Variants in SRRM3 observed in about 807,000 individuals in gnomAD.
The protein encoded by SRRM3 is serine/arginine repetitive matrix 3.
In SRRM3, 27 loss-of-function variants were observed where a neutral mutation model predicts 66.2. The observed-to-expected ratio is 0.41, with a 90% CI of 0.30 to 0.56. The LOEUF is 0.56. Among genes scored for constraint, SRRM3 ranks in the 20% least tolerant of loss-of-function variants. The probability of loss-of-function intolerance (pLI) is 0.32; values close to 1 mark genes in which losing one functional copy is unlikely to be tolerated. For missense variants in SRRM3, 918 were observed against 991.9 expected (o/e 0.93, Z 1.00); for synonymous variants, 391 against 414.9 (o/e 0.94, Z 0.70).
chr7:76,281,787 G>A lies in SRRM3; in HGVS notation c.1355G>A (p.Gly452Asp), dbSNP rs1802518735. 12 of 1,385,512 alleles carry A rather than the reference G, an allele frequency of 8.7e-6. No individual in the cohort carries two copies. Among genetic ancestry groups the A allele is most frequent in the Non-Finnish European group, 1.1e-5 (12 of 1,070,104 alleles). 85.8% of individuals were successfully genotyped at this position (1,385,512 alleles called of 1,614,324 possible). ...GAGCCCGGCTCTGAGCGAGGCCACGGCGGACACGGGAAACGGTGAGCGTGC... is the reference window on the plus strand; with the variant it reads ...GAGCCCGGCTCTGAGCGAGGCCACGACGGACACGGGAAACGGTGAGCGTGC... ...GPEPGSERGH[G>D]GHGKRAKERP... The change falls in exon 12 of 15, where the codon GGC becomes GAC. Residue 452 changes from glycine (G) to aspartate (D), a missense_variant. Physicochemically the swap from Gly to Asp is moderately conservative, Grantham distance 94. Transcript: ENST00000611745.
At chr7:76,214,568 T>C (rs1408533495) in intron 1 of SRRM3, among the ~76,000 whole-genome samples, 1 of 151,358 alleles carries the variant, frequency 6.6e-6, no homozygotes, top group Non-Finnish European at 1.5e-5. Context: ...CAGCTGGGAG[T>C]GTGCAGGTGG....
At chr7:76,225,166 T>G (rs915553198) in intron 1 of SRRM3, among the ~76,000 whole-genome samples, 1 of 152,214 alleles carries the variant, frequency 6.6e-6, no homozygotes, top group East Asian at 1.9e-4. Flanking sequence ...CTTTTCCTGA[T>G]CACCCAGGCA....
At position 76,265,405 on chromosome 7, in the gene SRRM3, G is replaced by C. The variant is rs1554609389; in HGVS notation, c.767G>C (p.Ser256Thr). Residue 256 changes from serine to threonine, a missense_variant, in exon 10 of 15, where the codon AGC (serine) becomes ACC (threonine). Ser to Thr is a moderately conservative substitution (Grantham distance 58). Transcript: ENST00000611745. The stretch of plus-strand genomic sequence containing the variant: ...CCAGGCCGGAGGTCTCATCGCCATA[G>C]CAGTGGCAGCTCCCACAGCCCCTCC... The part of the protein sequence containing the change: ...ESPGRRSHRH[S>T]SGSSHSPSLS... The C allele has an allele frequency of 1.2e-6, 2 of 1,605,592 alleles. No homozygotes were observed. The highest frequency in any genetic ancestry group is 3.4e-5 in the Admixed American group (2 of 58,886).
chr7:76,250,244 T>G (rs1240228510), intron 3 of SRRM3, among the ~76,000 whole-genome samples: 5 of 151,696 alleles, frequency 3.3e-5, no homozygotes, highest in Admixed American at 1.3e-4. Flanking sequence ...TGTTTTGTTT[T>G]GTTTGAGACA....
chr7:76,224,790 G>T (rs1481150180), intron 1 of SRRM3, among the ~76,000 whole-genome samples: 1 of 152,064 alleles, frequency 6.6e-6, no homozygotes, highest in African/African-American at 2.4e-5. Flanking sequence ...ATCAGCTAGG[G>T]AGACTCACAT....
intron 3 of SRRM3, among the ~76,000 whole-genome samples, chr7:76,254,467 T>G (rs1030995381): frequency 2.6e-5 from 4 of 152,128 alleles, no homozygotes; most frequent in African/African-American, 9.7e-5. Flanking sequence ...TACAAGCATG[T>G]CCTACCATAC....
chr7:76,235,440 G>A (rs1189427061), intron 2 of SRRM3, 141 bp downstream of exon 2: 3 of 781,216 alleles, frequency 3.8e-6, no homozygotes, highest in East Asian at 2.9e-5. Context: ...GCGGAGTCGG[G>A]CGACTGTGGG....
intron 2 of SRRM3, among the ~76,000 whole-genome samples, chr7:76,247,337 C>T (rs188134716): frequency 6.7e-4 from 102 of 152,132 alleles, no homozygotes; most frequent in African/African-American, 2.3e-3. Flanking sequence ...CTACCCCTTG[C>T]CCCCCGATAA....
chr7:76,215,233 A>AC (rs1325960671), intron 1 of SRRM3, among the ~76,000 whole-genome samples: 1 of 151,930 alleles, frequency 6.6e-6, no homozygotes, highest in African/African-American at 2.4e-5. Flanking sequence ...AACAACAACA[A>AC]AAAAAACTAC....
chr7:76,211,136 G>A (rs951947244), intron 1 of SRRM3, among the ~76,000 whole-genome samples: 1 of 152,190 alleles, frequency 6.6e-6, no homozygotes, highest in African/African-American at 2.4e-5. Context: ...GATGGACTAG[G>A]GGTTATGTAG....
In SRRM3 at chr7:76,282,645, C is replaced by T. The variant is rs1802554531; in HGVS notation, c.1371-3C>T. ...CCTATCCCGCGCCGTCTCCCTCCTC[C>T]AGGGCCAAGGAGCGGCCCCCGCGCG... On this transcript the variant is annotated splice_polypyrimidine_tract_variant and splice_region_variant and intron_variant, in intron 12 of 14. Transcript: ENST00000611745. 1 of 1,416,390 alleles carries T rather than the reference C, an allele frequency of 7.1e-7. No individual in the cohort carries two copies. The highest frequency in any genetic ancestry group is 9.2e-7 in the Non-Finnish European group (1 of 1,090,668). 87.7% of individuals were successfully genotyped at this position (1,416,390 alleles called of 1,614,324 possible). A position where few individuals can be genotyped will look rare whatever the true frequency, so the allele number is the denominator to read the frequency against.
chr7:76,216,430 C>A (rs1396218143), intron 1 of SRRM3, among the ~76,000 whole-genome samples: 12 of 152,228 alleles, frequency 7.9e-5, no homozygotes, highest in Admixed American at 7.9e-4. Flanking sequence ...AGCCACTGAG[C>A]CTGGACAGGG....
intron 11 of SRRM3, chr7:76,269,748 T>A (rs1802162213): frequency 8.7e-6 from 1 of 114,354 alleles, no homozygotes; most frequent in Non-Finnish European, 1.9e-5. Flanking sequence ...TTTATTTCCT[T>A]TTCCTTTCTT....
intron 2 of SRRM3, among the ~76,000 whole-genome samples, chr7:76,240,342 C>T (rs952759268): frequency 2.0e-5 from 3 of 151,224 alleles, no homozygotes; most frequent in Non-Finnish European, 2.9e-5. Flanking sequence ...AAAAATAGGC[C>T]GGGTGCATTG....
At chr7:76,274,211 A>G (rs1347809049) in intron 11 of SRRM3, among the ~76,000 whole-genome samples, 1 of 152,210 alleles carries the variant, frequency 6.6e-6, no homozygotes, top group Non-Finnish European at 1.5e-5. Flanking sequence ...GTCAGGCACA[A>G]GGGAAAAGCC....
chr7:76,281,745 C>A lies in SRRM3; in HGVS notation c.1313C>A (p.Ala438Asp). Residue 438 changes from alanine to aspartate, a missense_variant, in exon 12 of 15, where the codon GCC becomes GAC. Ala to Asp is a moderately radical substitution (Grantham distance 126). Transcript: ENST00000611745. ...SSSDSGSGRG[A>D]PGPGPEPGSE... is the part of the protein sequence containing the mutation. ...AGCGACTCCGGCAGCGGCCGCGGCG[C>A]CCCCGGCCCCGGGCCCGAGCCCGGC... is the stretch of plus-strand genomic sequence containing the variant. The A allele has an allele frequency of 7.5e-7, 1 of 1,337,320 alleles. No homozygotes were observed. The highest frequency in any genetic ancestry group is 1.6e-5 in the South Asian group (1 of 63,544). 82.8% of individuals were successfully genotyped at this position (1,337,320 alleles called of 1,614,324 possible). A position where few individuals can be genotyped will look rare whatever the true frequency, so the allele number is the denominator to read the frequency against.
intron 1 of SRRM3, among the ~76,000 whole-genome samples, chr7:76,231,507 C>T (rs1801014382): frequency 6.6e-6 from 1 of 152,234 alleles, no homozygotes; most frequent in Admixed American, 6.5e-5. Flanking sequence ...GCTGGGGAGC[C>T]TTGCCCAGGT....
At chr7:76,241,045 A>G (rs1554605569) in intron 2 of SRRM3, among the ~76,000 whole-genome samples, 1 of 152,028 alleles carries the variant, frequency 6.6e-6, no homozygotes, top group Non-Finnish European at 1.5e-5. Flanking sequence ...TTACAGGTGT[A>G]TGCCACCATG....
In SRRM3 at chr7:76,222,554, C is replaced by G. The variant is rs1345623134; in HGVS notation, c.-39-12474C>G. Among the ~76,000 whole-genome samples, 5 of 152,098 alleles carry G rather than the reference C, an allele frequency of 3.3e-5. No individual in the cohort carries two copies. The East Asian group carries it at 5.8e-4, about 18-fold the overall frequency. ...AGCCTGAGTCTGAAGGCCCTGGGGACCTGGCCCTCCCTCCCCTCCTGGCTT... is the reference window on the plus strand; with the variant it reads ...AGCCTGAGTCTGAAGGCCCTGGGGAGCTGGCCCTCCCTCCCCTCCTGGCTT... On this transcript the variant is annotated intron_variant, in intron 1 of 14. Transcript: ENST00000611745.
Sources: gnomAD v4.1 joint callset for allele counts (sites outside exome capture counted in the v4.1 genomes callset) on GRCh38, gnomAD v4.1.1 for gene constraint, MANE v1.5 for transcripts, NCBI Gene and HGNC (gene_info 2026-07-23, HGNC 2026-07-21) for gene names.